The following DGKG variants were observed in gnomAD, a reference collection of about 807,000 sequenced individuals.
The protein encoded by DGKG is DAG kinase gamma.
Under a neutral mutation model 105.3 loss-of-function variants are expected in DGKG, and 78 were observed. The ratio of observed to expected loss-of-function variants is 0.74; its 90% CI spans 0.62 to 0.89. The LOEUF is 0.89. DGKG is among the 40% of genes least tolerant of loss of function. The pLI is 0.00. For missense variants in DGKG, 958 were observed against 1,020.1 expected, an observed-to-expected ratio of 0.94 and a Z score of 0.83; for synonymous variants, 346 against 367.1, an observed-to-expected ratio of 0.94 and a Z score of 0.66.
Position 186,306,681 on chromosome 3 carries a change from AGAG to A in DGKG, c.144+217_144+219del, listed in dbSNP as rs985491854. ...AGGAGAGGAGGGGTGAGAGATGAGCAGAGGAGAAGTAGTGGTAGTCTTCTAGGA... is the reference window on the plus strand; with the variant it reads ...AGGAGAGGAGGGGTGAGAGATGAGCAGAGAAGTAGTGGTAGTCTTCTAGGA... On this transcript the variant is annotated intron_variant, in intron 3 of 24. Transcript: ENST00000265022. The A allele has an allele frequency of 1.4e-4, 70 of 495,826 alleles. No homozygotes were observed. In the Admixed American group the frequency reaches 2.5e-3, roughly 18 times the overall value. The allele number at this position is 495,826 out of a possible 1,614,324, so 30.7% of individuals were successfully genotyped here. A position where few individuals can be genotyped will look rare whatever the true frequency, so the allele number is the denominator to read the frequency against.
intron 1 of DGKG, among the ~76,000 whole-genome samples, chr3:186,346,860 A>G (rs1183900099): frequency 6.6e-6 from 1 of 152,172 alleles, no homozygotes; most frequent in Non-Finnish European, 1.5e-5. Context: ...ATAGCCTTAA[A>G]ACTTTTATAC....
intron 1 of DGKG, among the ~76,000 whole-genome samples, chr3:186,350,441 T>G (rs955789752): frequency 6.6e-6 from 1 of 152,244 alleles, no homozygotes; most frequent in Non-Finnish European, 1.5e-5. Context: ...TAAGGCTGAG[T>G]AATATTTCAT....
At chr3:186,197,817 C>T (rs1449682249) in intron 21 of DGKG, among the ~76,000 whole-genome samples, 1 of 152,162 alleles carries the variant, frequency 6.6e-6, no homozygotes, top group Non-Finnish European at 1.5e-5. Context: ...CCTAAACTGC[C>T]CATCAACTCT....
rs896019442 is a variant in DGKG, at chr3:186,149,288, T to C, written c.*802A>G. 2 of 983,694 alleles carry C rather than the reference T, an allele frequency of 2.0e-6. No homozygotes were observed. The highest frequency in any genetic ancestry group is 3.5e-5 in the African/African-American group (2 of 56,954). The allele number at this position is 983,694 out of a possible 1,614,324, so 60.9% of individuals were successfully genotyped here. A position where few individuals can be genotyped will look rare whatever the true frequency, so the allele number is the denominator to read the frequency against. ...AATATTATGACACCAATTTGAAAAATAAATCCCAGTTTCTCCGCTCTCCCT... is the reference window on the plus strand; with the variant it reads ...AATATTATGACACCAATTTGAAAAACAAATCCCAGTTTCTCCGCTCTCCCT... On this transcript the variant is annotated 3_prime_UTR_variant, in exon 25 of 25. Coordinates refer to ENST00000265022, the MANE Select transcript of DGKG (RefSeq NM_001346.3).
At chr3:186,277,490 C>G (rs1276178735) in intron 9 of DGKG, among the ~76,000 whole-genome samples, 1 of 152,184 alleles carries the variant, frequency 6.6e-6, no homozygotes, top group Non-Finnish European at 1.5e-5. Context: ...GCTCCTCTAC[C>G]TCACAAGCCA....
Position 186,298,156 on chromosome 3 carries a change from G to A in DGKG, c.218C>T (p.Thr73Ile). Residue 73 changes from threonine (T) to isoleucine (I), a missense_variant, in exon 4 of 25, where the codon ACT becomes ATT. By Grantham distance (89) the Thr-to-Ile change is moderately conservative. Transcript: ENST00000265022. ...CTGGCTGAAGGCCAGGAAGAGGTGA[G>A]TGCTCAGTGGCTGGGGAAGGTCCAC... ...LEVDLPQPLS[T>I]HLFLAFSQKP... The A allele has an allele frequency of 6.2e-7, 1 of 1,614,186 alleles. No individual in the cohort carries two copies. The highest frequency in any genetic ancestry group is 8.5e-7 in the Non-Finnish European group (1 of 1,180,022).
Position 186,288,692 on chromosome 3 carries a change from G to T in DGKG, c.544+18C>A. The T allele has an allele frequency of 6.2e-7, 1 of 1,613,286 alleles. No individual in the cohort carries two copies. The highest frequency in any genetic ancestry group is 1.1e-5 in the South Asian group (1 of 90,968). ...CTCTAGGAAAAAGCTGAAGCCCCTT[G>T]ACAGGGTGAGCACTTACACTCCAGC... On this transcript the variant is annotated intron_variant, in intron 6 of 24. Transcript: ENST00000265022.
chr3:186,218,542 A>G (rs1330432977), intron 20 of DGKG, among the ~76,000 whole-genome samples: 1 of 146,324 alleles, frequency 6.8e-6, no homozygotes, highest in African/African-American at 2.5e-5. Flanking sequence ...GACTCGGACC[A>G]ACTGCTTTCC....
chr3:186,321,538 A>C (rs1725076370), intron 1 of DGKG, among the ~76,000 whole-genome samples: 1 of 152,210 alleles, frequency 6.6e-6, no homozygotes, highest in African/African-American at 2.4e-5. Context: ...CCACCAACCT[A>C]AAAAGGTGAG....
chr3:186,249,170 C>T (rs1441991765), intron 19 of DGKG, among the ~76,000 whole-genome samples: 1 of 152,030 alleles, frequency 6.6e-6, no homozygotes, highest in East Asian at 1.9e-4. Flanking sequence ...CTGGAGGGGG[C>T]ACCTGGAAGA....
chr3:186,149,599 G>T lies in DGKG; in HGVS notation c.*491C>A. The T allele has an allele frequency of 1.0e-6, 1 of 986,022 alleles. No individual in the cohort carries two copies. The highest frequency in any genetic ancestry group is 1.2e-6 in the Non-Finnish European group (1 of 830,122). The allele number at this position is 986,022 out of a possible 1,614,324, so 61.1% of individuals were successfully genotyped here. ...CCCTGCCAAGGATTATGCTCTGAGAGCCGGAGGCCGTTTTGTCTCTGTACA... is the reference window on the plus strand; with the variant it reads ...CCCTGCCAAGGATTATGCTCTGAGATCCGGAGGCCGTTTTGTCTCTGTACA... On this transcript the variant is annotated 3_prime_UTR_variant, in exon 25 of 25. Coordinates refer to ENST00000265022, the MANE Select transcript of DGKG (RefSeq NM_001346.3).
intron 16 of DGKG, among the ~76,000 whole-genome samples, chr3:186,259,180 A>G (rs1245577374): frequency 6.6e-6 from 1 of 152,252 alleles, no homozygotes; most frequent in African/African-American, 2.4e-5. Context: ...AGAGAGTGAC[A>G]TGCGCATGAG....
In DGKG at chr3:186,151,837, G is replaced by A. The variant is rs547988119; in HGVS notation, c.2278-1649C>T. ...CCAGGAACTGTAATCCCAGCACTTC[G>A]GGAGGCTGAGATGGGCGGATCACTT... On this transcript the variant is annotated intron_variant, in intron 24 of 24. Transcript: ENST00000265022. Among the ~76,000 whole-genome samples the A allele has an allele frequency of 5.3e-5, 8 of 152,212 alleles. No homozygotes were observed. In the East Asian group the frequency reaches 5.8e-4, roughly 11 times the overall value.
At chr3:186,319,110 G>C (rs1724957277) in intron 2 of DGKG, among the ~76,000 whole-genome samples, 1 of 152,176 alleles carries the variant, frequency 6.6e-6, no homozygotes, top group Admixed American at 6.5e-5. Flanking sequence ...ACCCTGGAGG[G>C]TGATTTTTTG....
chr3:186,306,695 G>C (rs562174087), intron 3 of DGKG: 1 of 519,194 alleles, frequency 1.9e-6, no homozygotes. Flanking sequence ...GAGAAGTAGT[G>C]GTAGTCTTCT....
Position 186,271,174 on chromosome 3 carries a change from C to T in DGKG, c.999+1081G>A, listed in dbSNP as rs1309294656. ...ATGTAATCTTCCCTTTTCAGGAAGG[C>T]TAAGTGCCCTTCCCCTGCTAATTTT... On this transcript the variant is annotated intron_variant, in intron 11 of 24. Transcript: ENST00000265022. 2.6e-5 allele frequency among the ~76,000 whole-genome samples: 4 copies of T among 152,192 alleles called. 1 individual carries two copies. In the East Asian group the frequency reaches 5.8e-4, roughly 22 times the overall value.
chr3:186,346,019 G>A (rs780526132), intron 1 of DGKG, among the ~76,000 whole-genome samples: 71 of 152,140 alleles, frequency 4.7e-4, no homozygotes, highest in Non-Finnish European at 8.8e-4. Context: ...CACCTGCCTC[G>A]GCCTCCCAAA....
chr3:186,354,298 C>T (rs987279731), intron 1 of DGKG, among the ~76,000 whole-genome samples: 39 of 152,200 alleles, frequency 2.6e-4, no homozygotes, highest in Admixed American at 2.1e-3. Context: ...GAAATGGAAA[C>T]ATTTAGGCCA....
chr3:186,304,151 C>T (rs1252256854), intron 3 of DGKG, among the ~76,000 whole-genome samples: 2 of 152,200 alleles, frequency 1.3e-5, no homozygotes, highest in Non-Finnish European at 2.9e-5. Flanking sequence ...CCTGCAGTGG[C>T]CCTGACCAAA....
Sources: allele counts gnomAD v4.1 joint callset (sites outside exome capture counted in the v4.1 genomes callset), GRCh38; gene constraint gnomAD v4.1.1; transcripts MANE v1.5; gene names NCBI Gene and HGNC (gene_info 2026-07-23, HGNC 2026-07-21).